The following FOXJ3 variants were observed in gnomAD, a reference collection of about 807,000 sequenced individuals.
FOXJ3 encodes the protein forkhead box protein J3.
In FOXJ3, 22 loss-of-function variants were observed where a neutral mutation model predicts 76.1. The ratio of observed to expected loss-of-function variants is 0.29; its 90% confidence interval spans 0.21 to 0.41. The LOEUF is 0.41. Ranked by LOEUF, FOXJ3 falls within the 10% of genes least tolerant of loss-of-function variation. The pLI, the probability that FOXJ3 is intolerant of heterozygous loss-of-function variation, is 1.00. For missense variants in FOXJ3, 613 were observed against 762.1 expected, an observed-to-expected ratio of 0.80 and a Z score of 2.30; for synonymous variants, 269 against 261.2, an observed-to-expected ratio of 1.03 and a Z score of -0.29.
intron 5 of FOXJ3, among the ~76,000 whole-genome samples, chr1:42,207,269 G>A (rs114768437): frequency 1.6e-4 from 24 of 152,190 alleles, no homozygotes; most frequent in African/African-American, 5.8e-4. Flanking sequence ...TACCACATAT[G>A]AGTGAGAATA....
intron 2 of FOXJ3, among the ~76,000 whole-genome samples, chr1:42,301,770 T>C (rs1036191929): frequency 2.0e-5 from 3 of 152,206 alleles, no homozygotes; most frequent in African/African-American, 7.2e-5. Flanking sequence ...TGAGCTTCTT[T>C]AAAACCAACA....
At chr1:42,324,054 CACTGTATATACACAGTGTATATAT>C (rs1655593842) in intron 1 of FOXJ3, among the ~76,000 whole-genome samples, 1 of 112,748 alleles carries the variant, frequency 8.9e-6, no homozygotes, top group South Asian at 2.9e-4. Flanking sequence ...ATAGTATATA[CACTGTATATACACAGTGTATATAT>C]AGTATATATA....
At chr1:42,241,463 G>T (rs1649136799) in intron 4 of FOXJ3, among the ~76,000 whole-genome samples, 1 of 152,170 alleles carries the variant, frequency 6.6e-6, no homozygotes, top group Non-Finnish European at 1.5e-5. Flanking sequence ...AAGCCACTCT[G>T]GCTGGAAACT....
chr1:42,250,259 A>C (rs916614433), intron 4 of FOXJ3, among the ~76,000 whole-genome samples: 1 of 152,322 alleles, frequency 6.6e-6, no homozygotes, highest in Admixed American at 6.5e-5. Context: ...TCGTATAAAA[A>C]CCAGGATCTG....
intron 2 of FOXJ3, among the ~76,000 whole-genome samples, chr1:42,286,716 C>T (rs1653078704): frequency 2.0e-5 from 3 of 152,170 alleles, no homozygotes; most frequent in Admixed American, 2.0e-4. Flanking sequence ...TCACTGCAAC[C>T]TCCACCTCCC....
At chr1:42,271,847 A>T (rs1217995681) in intron 3 of FOXJ3, among the ~76,000 whole-genome samples, 2 of 152,028 alleles carry the variant, frequency 1.3e-5, no homozygotes, top group Admixed American at 6.6e-5. Flanking sequence ...TTGTGGAGAC[A>T]GGGTCTCGCT....
intron 4 of FOXJ3, among the ~76,000 whole-genome samples, chr1:42,238,425 C>T (rs866907178): frequency 6.6e-6 from 1 of 152,232 alleles, no homozygotes; most frequent in East Asian, 1.9e-4. Flanking sequence ...ACCACCACGG[C>T]AAGCTGACCT....
chr1:42,310,732 G>A (rs774674757), intron 2 of FOXJ3, among the ~76,000 whole-genome samples: 2 of 152,110 alleles, frequency 1.3e-5, no homozygotes, highest in African/African-American at 2.4e-5. Flanking sequence ...GTACAGATGT[G>A]AGCCACCGCG....
chr1:42,251,035 T>A (rs1386605812), intron 4 of FOXJ3, among the ~76,000 whole-genome samples: 2 of 151,906 alleles, frequency 1.3e-5, no homozygotes, highest in Non-Finnish European at 2.9e-5. Context: ...TAATAAATAA[T>A]AACTGAAAAT....
intron 9 of FOXJ3, among the ~76,000 whole-genome samples, chr1:42,190,548 TA>T (rs1018231264): frequency 4.6e-5 from 7 of 152,088 alleles, no homozygotes; most frequent in South Asian, 2.1e-4. Context: ...ACTTCATGGA[TA>T]AGGAAACCAA....
chr1:42,195,145 A>G, intron 7 of FOXJ3, 81 bp from the exon 8 acceptor site: 2 of 1,015,282 alleles, frequency 2.0e-6, no homozygotes, highest in Non-Finnish European at 2.8e-6. Context: ...ATAACTGAAA[A>G]CAGTGTCAAC....
chr1:42,291,385 T>A (rs989739253), intron 2 of FOXJ3, among the ~76,000 whole-genome samples: 4 of 152,218 alleles, frequency 2.6e-5, no homozygotes, highest in African/African-American at 9.6e-5. Context: ...AAACAACTAA[T>A]AAACTGGACT....
At chr1:42,257,729 C>A in intron 4 of FOXJ3, among the ~76,000 whole-genome samples, 1 of 65,984 alleles carries the variant, frequency 1.5e-5, no homozygotes. Context: ...TGGAGTGAGA[C>A]TCTGTCTCAA....
chr1:42,203,226 C>T (rs1646796161), intron 6 of FOXJ3, among the ~76,000 whole-genome samples: 1 of 152,150 alleles, frequency 6.6e-6, no homozygotes. Flanking sequence ...ATTTTCTTGA[C>T]CATATCAGTT....
chr1:42,290,962 A>G (rs916789001), intron 2 of FOXJ3, among the ~76,000 whole-genome samples: 3 of 152,148 alleles, frequency 2.0e-5, no homozygotes, highest in Non-Finnish European at 2.9e-5. Flanking sequence ...TAAAATTCCA[A>G]TGACCAAGTT....
chr1:42,232,044 C>T (rs975762780), intron 4 of FOXJ3, among the ~76,000 whole-genome samples: 7 of 151,946 alleles, frequency 4.6e-5, no homozygotes, highest in African/African-American at 1.7e-4. Flanking sequence ...TGAGAACATG[C>T]GGTGTTTGGT....
intron 5 of FOXJ3, among the ~76,000 whole-genome samples, chr1:42,219,836 T>A (rs1647144083): frequency 1.3e-5 from 2 of 152,194 alleles, no homozygotes; most frequent in Admixed American, 1.3e-4. Flanking sequence ...TGAGGATAGC[T>A]TGAGCCCAGG....
chr1:42,204,056 C>T (rs951479622), intron 6 of FOXJ3, among the ~76,000 whole-genome samples: 3 of 151,470 alleles, frequency 2.0e-5, no homozygotes, highest in Non-Finnish European at 2.9e-5. Flanking sequence ...GGCTCTGCAA[C>T]CCCTGGCTCT....
At chr1:42,323,930 AG>A (rs2124780272) in intron 1 of FOXJ3, 1 of 151,730 alleles carries the variant, frequency 6.6e-6, no homozygotes, top group African/African-American at 2.4e-5. Flanking sequence ...TTCTAAAAGT[AG>A]CCAAATGACT....
Sources: gnomAD v4.1 joint callset for allele counts (sites outside exome capture counted in the v4.1 genomes callset) on GRCh38, gnomAD v4.1.1 for gene constraint, MANE v1.5 for transcripts, NCBI Gene and HGNC (gene_info 2026-07-23, HGNC 2026-07-21) for gene names.